The following UGGT2 variants were observed in gnomAD, a reference collection of about 807,000 sequenced individuals.
UGGT2 encodes UDP-glucose glycoprotein glucosyltransferase 2.
In UGGT2, 180 loss-of-function variants were observed where a neutral mutation model predicts 192.1. The ratio of observed to expected loss-of-function variants is 0.94; its 90% CI spans 0.83 to 1.06. UGGT2 has a LOEUF of 1.06. Ranked by LOEUF, UGGT2 falls within the 50% of genes least tolerant of loss-of-function variation. The pLI is 0.00. For missense variants in UGGT2, 1,849 were observed against 1,795.7 expected, an observed-to-expected ratio of 1.03 and a Z score of -0.54; for synonymous variants, 580 against 591.0, an observed-to-expected ratio of 0.98 and a Z score of 0.27.
rs141151431 is a variant in UGGT2 at position 96,021,047 on chromosome 13, G to A, written c.485+1993C>T. On this transcript the variant is annotated intron_variant, in intron 4 of 38. Coordinates refer to ENST00000376747, the MANE Select transcript of UGGT2 (RefSeq NM_020121.4). ...TCCTACAGAGTTGGCATATGTTTCC[G>A]TTAAGGAACACTGGGCTTGGGGAAG... is the stretch of plus-strand genomic sequence containing the variant. Among the ~76,000 whole-genome samples, 510 of 152,294 alleles carry A rather than the reference G, an allele frequency of 3.3e-3. 4 individuals are homozygous for A. Among genetic ancestry groups the A allele is most frequent in the African/African-American group, 0.012 (480 of 41,570 alleles).
At chr13:96,051,398 C>T (rs1346522836) in intron 1 of UGGT2, among the ~76,000 whole-genome samples, 1 of 152,142 alleles carries the variant, frequency 6.6e-6, no homozygotes, top group Non-Finnish European at 1.5e-5. Context: ...TTAATGGGTG[C>T]AGCACACCAA....
At chr13:95,996,880 T>TA (rs1232391099) in intron 6 of UGGT2, among the ~76,000 whole-genome samples, 2 of 152,140 alleles carry the variant, frequency 1.3e-5, no homozygotes, top group African/African-American at 4.8e-5. Context: ...AGAATAAAGA[T>TA]ATAATATTTT....
chr13:95,970,780 T>C (rs2050748380), intron 11 of UGGT2, among the ~76,000 whole-genome samples: 1 of 152,150 alleles, frequency 6.6e-6, no homozygotes, highest in South Asian at 2.1e-4. Context: ...ACATCAACAA[T>C]AACCCCATTG....
intron 20 of UGGT2, among the ~76,000 whole-genome samples, chr13:95,913,134 C>G (rs1406497015): frequency 6.6e-6 from 1 of 152,082 alleles, no homozygotes; most frequent in Non-Finnish European, 1.5e-5. Flanking sequence ...CCACAAAACC[C>G]CTAGAAGAAA....
At chr13:96,050,998 T>C (rs575444606) in intron 1 of UGGT2, among the ~76,000 whole-genome samples, 2 of 152,300 alleles carry the variant, frequency 1.3e-5, no homozygotes, top group African/African-American at 4.8e-5. Context: ...ACCCAAAGGA[T>C]TATAAATCAT....
At chr13:95,914,612 T>TAAAAAAAAAAAAAAAAAAA (rs146990164) in intron 20 of UGGT2, among the ~76,000 whole-genome samples, 1 of 81,024 alleles carries the variant, frequency 1.2e-5, no homozygotes. Flanking sequence ...CCATCTCTAC[T>TAAAAAAAAAAAAAAAAAAA]AAAAAAAAAA....
chr13:95,908,207 T>TAAAAAG (rs1437705085), intron 20 of UGGT2, among the ~76,000 whole-genome samples: 4 of 152,020 alleles, frequency 2.6e-5, no homozygotes, highest in Non-Finnish European at 4.4e-5. Flanking sequence ...GAAAAAAGAC[T>TAAAAAG]AAAAAGAAAC....
chr13:95,856,148 A>G lies in UGGT2; in HGVS notation c.4008+10T>C. ...TGCGTATTACTAAAAATAGTAGTTAACCTTATTACCTGGTCAGCATCAACA... is the reference window on the plus strand; with the variant it reads ...TGCGTATTACTAAAAATAGTAGTTAGCCTTATTACCTGGTCAGCATCAACA... On this transcript the variant is annotated intron_variant, in intron 34 of 38. Coordinates refer to ENST00000376747, the MANE Select transcript of UGGT2 (RefSeq NM_020121.4). The G allele has an allele frequency of 6.3e-7, 1 of 1,597,790 alleles. No individual in the cohort carries two copies. Among genetic ancestry groups the G allele is most frequent in the Non-Finnish European group, 8.5e-7 (1 of 1,174,636 alleles).
At chr13:95,929,829 G>C (rs1385824282) in intron 17 of UGGT2, among the ~76,000 whole-genome samples, 1 of 152,026 alleles carries the variant, frequency 6.6e-6, no homozygotes, top group African/African-American at 2.4e-5. Context: ...TTGAATGGTA[G>C]TTCTGTTTTA....
At chr13:95,875,662 T>C (rs1324076430) in intron 29 of UGGT2, among the ~76,000 whole-genome samples, 1 of 152,204 alleles carries the variant, frequency 6.6e-6, no homozygotes, top group African/African-American at 2.4e-5. Context: ...CTATTAATTC[T>C]TCAATTTTCT....
chr13:96,044,899 G>C (rs889729209), intron 1 of UGGT2, among the ~76,000 whole-genome samples: 9 of 152,176 alleles, frequency 5.9e-5, no homozygotes, highest in Admixed American at 3.9e-4. Context: ...CATATTCACA[G>C]CCAAATTCTA....
At chr13:95,967,552 C>A (rs2050627161) in intron 12 of UGGT2, among the ~76,000 whole-genome samples, 1 of 148,494 alleles carries the variant, frequency 6.7e-6, no homozygotes, top group South Asian at 2.1e-4. Flanking sequence ...TGGCTCACTG[C>A]AACCTCCACC....
Position 95,940,105 on chromosome 13 carries a change from GAT to G in UGGT2, c.1678-16_1678-15del, listed in dbSNP as rs2049614696. ...TTTTTGGTACATCTGTGAAAATTTA[GAT>G]ATTATAATTAATTTTCTTCTTATAG... is the stretch of plus-strand genomic sequence containing the variant. On this transcript the variant is annotated splice_polypyrimidine_tract_variant and intron_variant, in intron 15 of 38. Coordinates refer to ENST00000376747, the MANE Select transcript of UGGT2 (RefSeq NM_020121.4). 2 of 1,419,862 alleles carry G rather than the reference GAT, an allele frequency of 1.4e-6. No homozygotes were observed. The highest frequency in any genetic ancestry group is 1.9e-6 in the Non-Finnish European group (2 of 1,059,798). 88.0% of individuals were successfully genotyped at this position (1,419,862 alleles called of 1,614,324 possible). A position where few individuals can be genotyped will look rare whatever the true frequency, so the allele number is the denominator to read the frequency against.
intron 22 of UGGT2, among the ~76,000 whole-genome samples, chr13:95,895,596 ATGATTTGAAACATAAATCATAAATCG>A (rs1188148851): frequency 6.6e-6 from 1 of 152,076 alleles, no homozygotes; most frequent in Non-Finnish European, 1.5e-5. Context: ...ATCATAAATC[ATGATTTGAAACATAAATCATAAATCG>A]TGATTTGAAA....
chr13:95,847,415 C>A (rs1304095049), intron 36 of UGGT2, among the ~76,000 whole-genome samples: 1 of 152,112 alleles, frequency 6.6e-6, no homozygotes, highest in Non-Finnish European at 1.5e-5. Context: ...TACATATTTT[C>A]CCTGCCTAAA....
At chr13:95,896,601 T>C (rs1014576257) in intron 22 of UGGT2, among the ~76,000 whole-genome samples, 7 of 152,070 alleles carry the variant, frequency 4.6e-5, no homozygotes, top group African/African-American at 1.7e-4. Flanking sequence ...CTTAAAAGTA[T>C]TGTTTTAAGG....
intron 21 of UGGT2, among the ~76,000 whole-genome samples, chr13:95,901,484 G>A (rs1049383347): frequency 3.3e-5 from 5 of 151,976 alleles, no homozygotes; most frequent in Admixed American, 2.6e-4. Flanking sequence ...TTCATACTAA[G>A]GTACATTTCT....
chr13:95,942,055 T>C (rs191968172), intron 15 of UGGT2, among the ~76,000 whole-genome samples: 10 of 152,358 alleles, frequency 6.6e-5, no homozygotes, highest in Admixed American at 5.9e-4. Flanking sequence ...AATACATCTA[T>C]GCTCTTGCAT....
At chr13:95,901,183 A>G (rs2140284443) in intron 21 of UGGT2, among the ~76,000 whole-genome samples, 1 of 152,224 alleles carries the variant, frequency 6.6e-6, no homozygotes, top group South Asian at 2.1e-4. Context: ...AATTTCAGGG[A>G]AACTACCAGA....
Sources: gnomAD v4.1 joint callset for allele counts (sites outside exome capture counted in the v4.1 genomes callset) on GRCh38, gnomAD v4.1.1 for gene constraint, MANE v1.5 for transcripts, NCBI Gene and HGNC (gene_info 2026-07-23, HGNC 2026-07-21) for gene names.